The following ORC4 variants were observed in gnomAD, a reference collection of about 807,000 sequenced individuals.
The protein encoded by ORC4 is origin recognition complex, subunit 4 homolog.
ORC4 carries 55 observed loss-of-function variants against 63.9 expected under a neutral mutation model. The ratio of observed to expected loss-of-function variants is 0.86; its 90% CI spans 0.69 to 1.08. ORC4 has a LOEUF of 1.08. Ranked by LOEUF, ORC4 falls within the 50% of genes least tolerant of loss-of-function variation. The pLI, the probability that ORC4 is intolerant of heterozygous loss-of-function variation, is 0.00. For missense variants in ORC4, 511 were observed against 504.4 expected (o/e 1.01, Z -0.13); for synonymous variants, 150 against 168.5 (o/e 0.89, Z 0.85).
intron 1 of ORC4, among the ~76,000 whole-genome samples, chr2:147,990,955 T>C (rs1019641765): frequency 9.9e-5 from 15 of 152,162 alleles, no homozygotes; most frequent in Non-Finnish European, 1.9e-4. Flanking sequence ...CACTAGTACA[T>C]GGCAGTATGT....
Position 147,948,053 on chromosome 2 carries a change from G to T in ORC4, c.760C>A (p.Gln254Lys). 6.2e-7 allele frequency: 1 copy of T among 1,609,124 alleles called. No individual in the cohort carries two copies. Among genetic ancestry groups the T allele is most frequent in the South Asian group, 1.1e-5 (1 of 90,936 alleles). ...VFAEKWNENV[Q>K]YLSEDRSVQE... ...AGCTTTATTGCCTTTTAAGATACCT[G>T]AACATTTTCATTCCACTTCTCAGCA... Residue 254 changes from glutamine to lysine, a missense_variant and splice_region_variant, in exon 9 of 14, where the codon CAG (glutamine) becomes AAG (lysine). Gln to Lys is a moderately conservative substitution (Grantham distance 53). Transcript: ENST00000392857.
rs767381904 is a variant in ORC4, at chr2:147,938,377, T to A, written c.975A>T (p.Glu325Asp). The change falls in exon 12 of 14, where the codon GAA (glutamate) becomes GAT (aspartate). Residue 325 changes from glutamate to aspartate, a missense_variant. By Grantham distance (45) the Glu-to-Asp change is conservative. Transcript: ENST00000392857. ...GTTTCATTGCTATTATAAGACAGAT[T>A]TCCAAGACTGATAGACCTACAGTAA... Reference protein sequence around the residue: ...ANIVHGLSVLEICLIIAMKHL... With the variant: ...ANIVHGLSVLDICLIIAMKHL... The A allele has an allele frequency of 1.3e-6, 2 of 1,597,488 alleles. No homozygotes were observed. Among genetic ancestry groups the A allele is most frequent in the Non-Finnish European group, 1.7e-6 (2 of 1,166,782 alleles).
At chr2:147,973,625 G>C (rs998849566) in intron 2 of ORC4, 101 bp from the exon 3 acceptor site, 4 of 695,204 alleles carry the variant, frequency 5.8e-6, no homozygotes, top group Admixed American at 5.0e-5. Context: ...AGGTATTAAT[G>C]AATCAATTCA....
At chr2:147,985,602 A>G (rs2105381276) in intron 1 of ORC4, among the ~76,000 whole-genome samples, 1 of 152,316 alleles carries the variant, frequency 6.6e-6, no homozygotes, top group South Asian at 2.1e-4. Context: ...ATGTTTTCCT[A>G]CCTTAGAAAT....
intron 1 of ORC4, among the ~76,000 whole-genome samples, chr2:147,993,763 G>A (rs1319223150): frequency 6.6e-6 from 1 of 152,026 alleles, no homozygotes; most frequent in Non-Finnish European, 1.5e-5. Context: ...TAGAACTTTG[G>A]TACCCTACCT....
At chr2:148,005,404 G>A (rs1692563870) in intron 1 of ORC4, among the ~76,000 whole-genome samples, 1 of 151,924 alleles carries the variant, frequency 6.6e-6, no homozygotes, top group South Asian at 2.1e-4. Flanking sequence ...GCCTGCTGGG[G>A]GATGGGGGGG....
chr2:148,017,678 G>A (rs955923955), intron 1 of ORC4, among the ~76,000 whole-genome samples: 1 of 151,966 alleles, frequency 6.6e-6, no homozygotes, highest in Non-Finnish European at 1.5e-5. Context: ...TCTCCAGGGG[G>A]GAAAAAATCT....
chr2:148,004,949 C>T (rs899320900), intron 1 of ORC4, among the ~76,000 whole-genome samples: 1 of 152,180 alleles, frequency 6.6e-6, no homozygotes, highest in African/African-American at 2.4e-5. Context: ...CGCTTTTACA[C>T]TGTTGGTGGG....
chr2:147,965,997 G>A (rs771798174), intron 4 of ORC4, among the ~76,000 whole-genome samples: 15 of 152,068 alleles, frequency 9.9e-5, no homozygotes, highest in Non-Finnish European at 1.9e-4. Context: ...CTTGAGCCCA[G>A]GAGTTTGAGA....
rs1295231928 is a variant in ORC4, at chr2:147,934,934, G to GT, written c.*575dup. 2 of 153,474 alleles carry GT rather than the reference G, an allele frequency of 1.3e-5. No homozygotes were observed. Among genetic ancestry groups the GT allele is most frequent in the East Asian group, 1.9e-4 (1 of 5,204 alleles). The allele number at this position is 153,474 out of a possible 1,614,324, so 9.5% of individuals were successfully genotyped here. On this transcript the variant is annotated 3_prime_UTR_variant, in exon 14 of 14. Transcript: ENST00000392857. Reference sequence around the variant, plus strand: ...CCTACAAGGGATTCTGATGTGGATGGTATGAGTACCACATTTTGAGATGTC... The same window carrying GT: ...CCTACAAGGGATTCTGATGTGGATGGTTATGAGTACCACATTTTGAGATGTC...
At chr2:147,945,994 TA>T (rs1688639101) in intron 9 of ORC4, among the ~76,000 whole-genome samples, 1 of 152,212 alleles carries the variant, frequency 6.6e-6, no homozygotes, top group East Asian at 1.9e-4. Context: ...TGGTTCTACT[TA>T]ATGAAACTGA....
At chr2:147,991,192 C>G (rs947091284) in intron 1 of ORC4, among the ~76,000 whole-genome samples, 1 of 151,908 alleles carries the variant, frequency 6.6e-6, no homozygotes, top group Admixed American at 6.6e-5. Context: ...GGATTACAGG[C>G]ATGCGCCACC....
chr2:148,012,085 G>GAA (rs942238876), intron 1 of ORC4, among the ~76,000 whole-genome samples: 1 of 148,064 alleles, frequency 6.8e-6, no homozygotes, highest in South Asian at 2.1e-4. Context: ...CACAGAAATA[G>GAA]AAAAAAAAAA....
chr2:148,005,818 A>G (rs1054988192), intron 1 of ORC4, among the ~76,000 whole-genome samples: 7 of 152,106 alleles, frequency 4.6e-5, no homozygotes, highest in Non-Finnish European at 4.4e-5. Flanking sequence ...TTTACAAAAT[A>G]TGAAAAAATT....
chr2:147,990,333 G>A (rs16828096), intron 1 of ORC4, among the ~76,000 whole-genome samples: 2,978 of 152,236 alleles, frequency 0.02, 46 homozygotes, highest in African/African-American at 0.045. Context: ...TGAAACTGAG[G>A]CAAGAAAAAT....
intron 1 of ORC4, among the ~76,000 whole-genome samples, chr2:147,988,130 TTAAC>T (rs1166136252): frequency 1.3e-5 from 2 of 151,880 alleles, no homozygotes; most frequent in Non-Finnish European, 2.9e-5. Flanking sequence ...TAAATTAAAC[TTAAC>T]TAATATTTAA....
intron 4 of ORC4, among the ~76,000 whole-genome samples, chr2:147,959,329 TCATA>T (rs1228553051): frequency 6.6e-6 from 1 of 151,970 alleles, no homozygotes; most frequent in African/African-American, 2.4e-5. Flanking sequence ...TACTGTGATA[TCATA>T]CATATCTCTT....
At chr2:147,947,383 T>A (rs1009029560) in intron 9 of ORC4, among the ~76,000 whole-genome samples, 2 of 152,098 alleles carry the variant, frequency 1.3e-5, no homozygotes, top group African/African-American at 4.8e-5. Context: ...TCCTCCTTTC[T>A]CTTTGCCAAC....
intron 1 of ORC4, among the ~76,000 whole-genome samples, chr2:147,999,143 C>G (rs1170085462): frequency 6.6e-6 from 1 of 152,078 alleles, no homozygotes; most frequent in Non-Finnish European, 1.5e-5. Context: ...ATGAGAAAAC[C>G]ATTTCTAAAA....
Sources: allele counts gnomAD v4.1 joint callset (sites outside exome capture counted in the v4.1 genomes callset), GRCh38; gene constraint gnomAD v4.1.1; transcripts MANE v1.5; gene names NCBI Gene and HGNC (gene_info 2026-07-23, HGNC 2026-07-21).